The following FSTL5 variants were observed in gnomAD, a reference collection of about 807,000 sequenced individuals.
FSTL5 encodes the protein follistatin-related protein 5.
In FSTL5, 62 loss-of-function variants were observed where a neutral mutation model predicts 89.1. That is an observed-to-expected ratio of 0.70 (90% confidence interval 0.57 to 0.86). The LOEUF (loss-of-function observed/expected upper bound fraction) is 0.86, where lower values mean the gene tolerates loss of function less well. Ranked by LOEUF, FSTL5 falls within the 40% of genes least tolerant of loss-of-function variation. FSTL5 has a pLI of 0.00. For synonymous variants in FSTL5, 383 were observed against 346.2 expected, an observed-to-expected ratio of 1.11 and a Z score of -1.18; for missense variants, 1,057 against 1,001.6, an observed-to-expected ratio of 1.06 and a Z score of -0.75.
At chr4:161,729,836 T>C (rs10517750) in intron 6 of FSTL5, among the ~76,000 whole-genome samples, 5,936 of 152,248 alleles carry the variant, frequency 0.039, 258 homozygotes, top group South Asian at 0.16. Context: ...TGGAGGGGTA[T>C]TGTATGCTCT....
rs2111407327 is a variant in FSTL5, at chr4:162,111,330, T to C, written c.67A>G (p.Thr23Ala). Residue 23 changes from threonine to alanine, a missense_variant, in exon 2 of 16, where the codon ACC (threonine) becomes GCC (alanine). This residue lies in a region of FSTL5 where 980 missense variants were observed against 903.2 expected (regional missense o/e 1.08). Coordinates refer to ENST00000306100, the MANE Select transcript of FSTL5 (RefSeq NM_020116.5). ...FIFLESEGRP[T>A]KEGGYGLKSY... ...TTAAGGCCATATCCTCCTTCTTTGGTTGGCCTTCCTTCCGACTCCAGAAAA... is the reference window on the plus strand; with the variant it reads ...TTAAGGCCATATCCTCCTTCTTTGGCTGGCCTTCCTTCCGACTCCAGAAAA... 1 of 1,612,012 alleles carries C rather than the reference T, an allele frequency of 6.2e-7. No individual in the cohort carries two copies. Among genetic ancestry groups the C allele is most frequent in the Non-Finnish European group, 8.5e-7 (1 of 1,178,454 alleles).
At chr4:162,125,349 T>A (rs2111443998) in intron 1 of FSTL5, among the ~76,000 whole-genome samples, 1 of 152,296 alleles carries the variant, frequency 6.6e-6, no homozygotes, top group Non-Finnish European at 1.5e-5. Flanking sequence ...TAACTAAATT[T>A]TTTTATTTGA....
At chr4:162,042,348 T>TCAA (rs1737997704) in intron 2 of FSTL5, among the ~76,000 whole-genome samples, 2 of 152,132 alleles carry the variant, frequency 1.3e-5, no homozygotes, top group African/African-American at 4.8e-5. Context: ...GAATATGACA[T>TCAA]ATAAACTCAA....
chr4:161,650,767 T>A (rs1257504261), intron 7 of FSTL5, among the ~76,000 whole-genome samples: 1 of 152,164 alleles, frequency 6.6e-6, no homozygotes, highest in Non-Finnish European at 1.5e-5. Flanking sequence ...TAGTTTAATA[T>A]GACATAATTT....
At chr4:161,715,690 T>C (rs1295274437) in intron 6 of FSTL5, among the ~76,000 whole-genome samples, 3 of 152,200 alleles carry the variant, frequency 2.0e-5, no homozygotes, top group East Asian at 3.8e-4. Context: ...TAGATGCTGA[T>C]AGGCATCTGT....
chr4:161,520,783 T>C (rs1025671611), intron 10 of FSTL5, among the ~76,000 whole-genome samples: 1 of 152,174 alleles, frequency 6.6e-6, no homozygotes, highest in Non-Finnish European at 1.5e-5. Flanking sequence ...AAAACAATAA[T>C]TTCTTTCATA....
At chr4:162,153,726 A>ATGTATATG (rs1733342313) in intron 1 of FSTL5, among the ~76,000 whole-genome samples, 1 of 92,108 alleles carries the variant, frequency 1.1e-5, no homozygotes, top group Non-Finnish European at 2.4e-5. Flanking sequence ...ATAATAATAT[A>ATGTATATG]TGTATATATG....
At chr4:161,926,668 A>G (rs1176475045) in intron 3 of FSTL5, among the ~76,000 whole-genome samples, 1 of 151,744 alleles carries the variant, frequency 6.6e-6, no homozygotes, top group East Asian at 1.9e-4. Flanking sequence ...GTGTGATGCA[A>G]TCTCAACACT....
At chr4:162,070,196 TG>T (rs1391054060) in intron 2 of FSTL5, among the ~76,000 whole-genome samples, 1 of 151,982 alleles carries the variant, frequency 6.6e-6, no homozygotes, top group Non-Finnish European at 1.5e-5. Context: ...CACTTTTTAA[TG>T]GGATTTTTTG....
intron 3 of FSTL5, among the ~76,000 whole-genome samples, chr4:162,029,419 T>C (rs552240182): frequency 2.0e-5 from 3 of 152,262 alleles, no homozygotes; most frequent in South Asian, 4.1e-4. Flanking sequence ...TTTTGAATGA[T>C]AAATGTTTAT....
chr4:161,690,258 G>T (rs146435036), intron 6 of FSTL5, among the ~76,000 whole-genome samples: 1 of 151,966 alleles, frequency 6.6e-6, no homozygotes, highest in Non-Finnish European at 1.5e-5. Context: ...CTACCTCCTT[G>T]TCTATACCTG....
At chr4:162,013,809 T>C (rs1736838028) in intron 3 of FSTL5, among the ~76,000 whole-genome samples, 2 of 151,960 alleles carry the variant, frequency 1.3e-5, no homozygotes, top group South Asian at 2.1e-4. Context: ...TTTTTTTTTT[T>C]ACTTCTGTTG....
chr4:161,869,444 T>A (rs1445088134), intron 4 of FSTL5, among the ~76,000 whole-genome samples: 1 of 152,176 alleles, frequency 6.6e-6, no homozygotes, highest in Non-Finnish European at 1.5e-5. Flanking sequence ...AAAATGAGAA[T>A]AATACCACTG....
intron 3 of FSTL5, among the ~76,000 whole-genome samples, chr4:161,966,970 G>A (rs1482142855): frequency 1.3e-5 from 2 of 151,570 alleles, no homozygotes; most frequent in East Asian, 3.9e-4. Flanking sequence ...ATCTTTTACA[G>A]TGAACATATT....
chr4:161,437,229 CAGT>C (rs1732586749), intron 15 of FSTL5, among the ~76,000 whole-genome samples: 1 of 151,780 alleles, frequency 6.6e-6, no homozygotes, highest in Non-Finnish European at 1.5e-5. Context: ...GCGGGTTTGA[CAGT>C]AGGAGGTAAC....
At chr4:161,661,920 A>T (rs1303775574) in intron 6 of FSTL5, among the ~76,000 whole-genome samples, 3 of 152,340 alleles carry the variant, frequency 2.0e-5, no homozygotes, top group Admixed American at 6.5e-5. Flanking sequence ...TTAGAGAAAT[A>T]TCAGAATAAT....
At chr4:161,557,835 T>C (rs1049575101) in intron 8 of FSTL5, among the ~76,000 whole-genome samples, 6 of 151,738 alleles carry the variant, frequency 4.0e-5, no homozygotes, top group Non-Finnish European at 7.4e-5. Context: ...GAGTAACTTA[T>C]AGAGAATAAG....
chr4:161,741,360 T>C (rs1236064863), intron 6 of FSTL5, among the ~76,000 whole-genome samples: 2 of 152,046 alleles, frequency 1.3e-5, no homozygotes, highest in South Asian at 2.1e-4. Context: ...ACTGGAAAGA[T>C]AGTGGTTTTA....
At chr4:161,693,557 T>G (rs1480177605) in intron 6 of FSTL5, among the ~76,000 whole-genome samples, 1 of 152,028 alleles carries the variant, frequency 6.6e-6, no homozygotes, top group Non-Finnish European at 1.5e-5. Context: ...GTAATTTGTG[T>G]GTTTCTAGAA....
Sources: gnomAD v4.1 joint callset for allele counts (sites outside exome capture counted in the v4.1 genomes callset) on GRCh38, gnomAD v4.1.1 for gene constraint, gnomAD v4.1.1 regional missense constraint, MANE v1.5 for transcripts, NCBI Gene and HGNC (gene_info 2026-07-23, HGNC 2026-07-21) for gene names.